The following PDE10A variants were observed in gnomAD, a reference collection of about 807,000 sequenced individuals.
The protein encoded by PDE10A is phosphodiesterase 10A.
PDE10A carries 39 observed loss-of-function variants against 97.7 expected under a neutral mutation model. That is an observed-to-expected ratio of 0.40 (90% CI 0.31 to 0.52). The LOEUF (loss-of-function observed/expected upper bound fraction) is 0.52, where lower values mean the gene tolerates loss of function less well. Among genes scored for constraint, PDE10A ranks in the 20% least tolerant of loss-of-function variants. The pLI, the probability that PDE10A is intolerant of heterozygous loss-of-function variation, is 0.56. For missense variants in PDE10A, 731 were observed against 1,047.8 expected (o/e 0.70, Z 4.17); for synonymous variants, 371 against 376.8 (o/e 0.98, Z 0.18).
At chr6:165,530,995 A>G (rs9355538) in intron 2 of PDE10A, among the ~76,000 whole-genome samples, 105,203 of 152,004 alleles carry the variant, frequency 0.69, 39,691 homozygotes, top group Non-Finnish European at 0.83. Flanking sequence ...TGCATGACAG[A>G]TCCTTGACCA....
intron 1 of PDE10A, among the ~76,000 whole-genome samples, chr6:165,618,120 A>C (rs1228566977): frequency 6.6e-6 from 1 of 152,184 alleles, no homozygotes; most frequent in Non-Finnish European, 1.5e-5. Flanking sequence ...ATTAAACGAA[A>C]TCTATATGTA....
intron 1 of PDE10A, among the ~76,000 whole-genome samples, chr6:165,757,005 T>C (rs922026472): frequency 1.3e-5 from 2 of 151,640 alleles, no homozygotes; most frequent in Non-Finnish European, 2.9e-5. Context: ...TCTCGCTCTG[T>C]TGCCCAGGCT....
intron 1 of PDE10A, among the ~76,000 whole-genome samples, chr6:165,598,105 CT>C (rs921815642): frequency 6.6e-6 from 1 of 152,172 alleles, no homozygotes; most frequent in Non-Finnish European, 1.5e-5. Context: ...TTTCCACTTA[CT>C]TTTTTGTTGA....
intron 13 of PDE10A, among the ~76,000 whole-genome samples, chr6:165,406,112 T>TG (rs1255803955): frequency 1.3e-5 from 2 of 152,100 alleles, no homozygotes; most frequent in Non-Finnish European, 2.9e-5. Context: ...TCTATAAACT[T>TG]GTAGACTTGG....
intron 1 of PDE10A, among the ~76,000 whole-genome samples, chr6:165,816,471 C>T (rs1779416645): frequency 1.3e-5 from 2 of 152,198 alleles, no homozygotes; most frequent in African/African-American, 2.4e-5. Flanking sequence ...GTTAGGAGCA[C>T]GTGCTCTGGA....
chr6:165,977,370 A>G (rs1784881905), intron 1 of PDE10A, among the ~76,000 whole-genome samples: 1 of 152,164 alleles, frequency 6.6e-6, no homozygotes, highest in African/African-American at 2.4e-5. Context: ...AGCAAACTGT[A>G]CCTCAGGACG....
At chr6:165,707,261 G>T (rs1316160127) in intron 1 of PDE10A, among the ~76,000 whole-genome samples, 1 of 152,204 alleles carries the variant, frequency 6.6e-6, no homozygotes, top group Non-Finnish European at 1.5e-5. Context: ...GTCCCCAGGG[G>T]ATGGGTGGCG....
At chr6:165,381,710 C>T (rs1266875966) in intron 17 of PDE10A, among the ~76,000 whole-genome samples, 13 of 150,164 alleles carry the variant, frequency 8.7e-5, no homozygotes, top group Admixed American at 7.3e-4. Context: ...CTTCATCTCC[C>T]GACCTCGTGA....
intron 1 of PDE10A, among the ~76,000 whole-genome samples, chr6:165,793,360 T>C (rs73261265): frequency 0.03 from 4,557 of 152,186 alleles, 238 homozygotes; most frequent in African/African-American, 0.1. Context: ...TCCAAAATCC[T>C]GTCATCAGAA....
At position 165,421,920 on chromosome 6, in the gene PDE10A, C is replaced by T. The variant is rs942526530; in HGVS notation, c.1654-3143G>A. Among the ~76,000 whole-genome samples the T allele has an allele frequency of 9.2e-5, 14 of 152,062 alleles. No individual in the cohort carries two copies. The South Asian group carries it at 1.2e-3, about 14-fold the overall frequency. ...CTACTAAAAATACAAAAATTAGCTG[C>T]GCATGGTGGCATGCGTCTGTTGTCC... On this transcript the variant is annotated intron_variant, in intron 10 of 21. Coordinates refer to ENST00000539869, the MANE Select transcript of PDE10A (RefSeq NM_001385079.1).
intron 2 of PDE10A, among the ~76,000 whole-genome samples, chr6:165,524,090 C>A (rs1782288118): frequency 6.6e-6 from 1 of 152,200 alleles, no homozygotes; most frequent in South Asian, 2.1e-4. Flanking sequence ...ATCAGACTCC[C>A]AGTTATTCAG....
intron 3 of PDE10A, among the ~76,000 whole-genome samples, chr6:165,479,336 C>G (rs903060113): frequency 3.3e-5 from 5 of 152,126 alleles, no homozygotes; most frequent in African/African-American, 9.7e-5. Flanking sequence ...CTAAATACCC[C>G]CAATTCCATT....
intron 1 of PDE10A, among the ~76,000 whole-genome samples, chr6:165,695,186 C>G (rs369359796): frequency 9.6e-4 from 144 of 150,478 alleles, no homozygotes; most frequent in African/African-American, 3.0e-3. Context: ...AAGTTGCTCC[C>G]CAGTGAGCCT....
chr6:165,657,021 T>C (rs1025290094), intron 1 of PDE10A, among the ~76,000 whole-genome samples: 1 of 152,264 alleles, frequency 6.6e-6, no homozygotes, highest in African/African-American at 2.4e-5. Flanking sequence ...TGTTTTGTTC[T>C]GTTTAGATTT....
At chr6:165,724,035 A>G (rs1370790086) in intron 1 of PDE10A, among the ~76,000 whole-genome samples, 3 of 152,156 alleles carry the variant, frequency 2.0e-5, no homozygotes, top group Non-Finnish European at 4.4e-5. Context: ...TCCAGTTAGT[A>G]GCATGCAATC....
chr6:165,503,261 C>T (rs1401566333), intron 2 of PDE10A, among the ~76,000 whole-genome samples: 1 of 152,158 alleles, frequency 6.6e-6, no homozygotes, highest in African/African-American at 2.4e-5. Context: ...GTTATTCCTC[C>T]ACATTTACTA....
chr6:165,821,999 C>T (rs1779585923), intron 1 of PDE10A, among the ~76,000 whole-genome samples: 1 of 152,130 alleles, frequency 6.6e-6, no homozygotes, highest in Admixed American at 6.5e-5. Flanking sequence ...AACAAGATGA[C>T]CTCAGAAAGG....
intron 1 of PDE10A, among the ~76,000 whole-genome samples, chr6:165,703,887 G>A (rs1160484781): frequency 6.6e-6 from 1 of 152,172 alleles, no homozygotes; most frequent in Non-Finnish European, 1.5e-5. Context: ...CTGGTACCAT[G>A]GTAGAGAGGG....
chr6:165,862,100 T>C (rs765374566), intron 1 of PDE10A, among the ~76,000 whole-genome samples: 2 of 152,182 alleles, frequency 1.3e-5, no homozygotes, highest in African/African-American at 2.4e-5. Context: ...CATTCCCACA[T>C]TCCCATGGAA....
Sources: gnomAD v4.1 joint callset for allele counts (sites outside exome capture counted in the v4.1 genomes callset) on GRCh38, gnomAD v4.1.1 for gene constraint, MANE v1.5 for transcripts, NCBI Gene and HGNC (gene_info 2026-07-23, HGNC 2026-07-21) for gene names.